CDH18: variants seen among roughly 807,000 people sequenced by gnomAD.
CDH18 encodes cadherin 18, also known as cadherin-18.
CDH18 carries 31 observed loss-of-function variants against 67.9 expected under a neutral mutation model. The ratio of observed to expected loss-of-function variants is 0.46; its 90% CI spans 0.34 to 0.62. The LOEUF is 0.62. CDH18 is among the 20% of genes least tolerant of loss of function. The probability of loss-of-function intolerance (pLI) is 0.01; values close to 1 mark genes in which losing one functional copy is unlikely to be tolerated. For synonymous variants in CDH18, 362 were observed against 347.2 expected (o/e 1.04, Z -0.48); for missense variants, 890 against 975.5 (o/e 0.91, Z 1.17).
intron 2 of CDH18, among the ~76,000 whole-genome samples, chr5:19,998,236 C>T (rs1451106692): frequency 5.3e-5 from 8 of 151,990 alleles, no homozygotes; most frequent in Admixed American, 2.0e-4. Flanking sequence ...AATGTTATTA[C>T]GAGTTTATTG....
intron 3 of CDH18, among the ~76,000 whole-genome samples, chr5:19,777,405 C>A (rs2149767297): frequency 6.6e-6 from 1 of 152,320 alleles, no homozygotes; most frequent in Non-Finnish European, 1.5e-5. Context: ...AGATGGAAGG[C>A]AATCCAGTTT....
At chr5:20,154,331 C>G (rs1002569905) in intron 2 of CDH18, among the ~76,000 whole-genome samples, 7 of 151,420 alleles carry the variant, frequency 4.6e-5, no homozygotes, top group African/African-American at 1.7e-4. Context: ...AATATTCTGC[C>G]AACACTTTAG....
At chr5:20,395,891 A>T (rs994305604) in intron 1 of CDH18, among the ~76,000 whole-genome samples, 2 of 152,090 alleles carry the variant, frequency 1.3e-5, no homozygotes, top group African/African-American at 4.8e-5. Context: ...ATCGCTGAGG[A>T]TGTGGAGGCT....
In CDH18 at chr5:20,337,377, C is replaced by A. The variant is rs188394514; in HGVS notation, c.-579-81872G>T. Among the ~76,000 whole-genome samples, 153 of 152,264 alleles carry A rather than the reference C, an allele frequency of 1.0e-3. 2 individuals are homozygous for A. Among genetic ancestry groups the A allele is most frequent in the Non-Finnish European group, 1.5e-4 (10 of 68,022 alleles). Reference sequence around the variant, plus strand: ...ATAAAACTCAATGCCTTTAGCAGCACCCAAGTCGCCTTTAGCAGCATCCAA... The same window carrying A: ...ATAAAACTCAATGCCTTTAGCAGCAACCAAGTCGCCTTTAGCAGCATCCAA... On this transcript the variant is annotated intron_variant, in intron 1 of 14. Transcript: ENST00000507958.
intron 5 of CDH18, among the ~76,000 whole-genome samples, chr5:19,638,562 T>C (rs1258329188): frequency 6.6e-6 from 1 of 151,980 alleles, no homozygotes; most frequent in Non-Finnish European, 1.5e-5. Context: ...TTTTTCTTTT[T>C]TTTTTAATGA....
intron 2 of CDH18, among the ~76,000 whole-genome samples, chr5:19,968,482 T>C (rs1317835583): frequency 1.3e-5 from 2 of 151,964 alleles, no homozygotes; most frequent in Non-Finnish European, 2.9e-5. Flanking sequence ...ATGGTACTGG[T>C]ACCAAAACAG....
In CDH18 at chr5:20,398,516, C is replaced by A. The variant is rs972394719; in HGVS notation, c.-579-143011G>T. Among the ~76,000 whole-genome samples, 7 of 152,104 alleles carry A rather than the reference C, an allele frequency of 4.6e-5. No individual in the cohort carries two copies. The East Asian group carries it at 1.3e-3, about 29-fold the overall frequency. ...CTTTGTATAAAAAGATGAGTGGATT[C>A]TCGAAGAGAAAAGCATGGAAGCTGG... On this transcript the variant is annotated intron_variant, in intron 1 of 14. Transcript: ENST00000507958.
Position 20,088,474 on chromosome 5 carries a change from A to G in CDH18, c.-517-96460T>C, listed in dbSNP as rs753395234. On this transcript the variant is annotated intron_variant, in intron 2 of 14. Coordinates refer to the CDH18 transcript ENST00000507958. ...TTTTGGAGAAAACTAAAAGGAATAC[A>G]GAATATTTCTTTTCTCCTGGATGAC... Among the ~76,000 whole-genome samples, 7 of 152,324 alleles carry G rather than the reference A, an allele frequency of 4.6e-5. No homozygotes were observed. In the East Asian group the frequency reaches 1.2e-3, roughly 25 times the overall value.
rs116130921 is a variant in CDH18, at chr5:19,624,869, C to T, written c.644-12268G>A. ...GAAAATACTAAGGATAGAGGTTAAG[C>T]AAGTGTGAGATCATGAAGAGTGGCC... On this transcript the variant is annotated intron_variant, in intron 5 of 12. Coordinates refer to ENST00000382275, the MANE Select transcript of CDH18 (RefSeq NM_004934.5). 9.0e-3 allele frequency among the ~76,000 whole-genome samples: 1,371 copies of T among 152,152 alleles called. 8 individuals carry two copies. Among genetic ancestry groups the T allele is most frequent in the South Asian group, 0.017 (83 of 4,812 alleles).
chr5:19,612,868 C>T (rs186402788), intron 5 of CDH18, among the ~76,000 whole-genome samples: 33 of 152,152 alleles, frequency 2.2e-4, no homozygotes, highest in South Asian at 1.2e-3. Flanking sequence ...CGGCCGGATG[C>T]GGTGGCTCAC....
chr5:20,488,762 T>C (rs1186108795), intron 1 of CDH18, among the ~76,000 whole-genome samples: 1 of 150,360 alleles, frequency 6.7e-6, no homozygotes, highest in East Asian at 1.9e-4. Flanking sequence ...AAACTAGCAG[T>C]TCTTAATTTC....
intron 10 of CDH18, among the ~76,000 whole-genome samples, chr5:19,503,682 G>A (rs1038996268): frequency 6.6e-6 from 1 of 152,032 alleles, no homozygotes; most frequent in Non-Finnish European, 1.5e-5. Context: ...GACCTTCCGT[G>A]ATTTATGAAT....
chr5:20,219,355 G>C (rs1051525107), intron 2 of CDH18, among the ~76,000 whole-genome samples: 2 of 151,684 alleles, frequency 1.3e-5, no homozygotes, highest in Non-Finnish European at 2.9e-5. Flanking sequence ...GCAAAAATAA[G>C]CTTGGGACAC....
At chr5:20,354,073 A>T (rs1249588237) in intron 1 of CDH18, among the ~76,000 whole-genome samples, 1 of 152,234 alleles carries the variant, frequency 6.6e-6, no homozygotes, top group African/African-American at 2.4e-5. Context: ...ATTGGAAGCT[A>T]AAGCAGCTTA....
intron 1 of CDH18, among the ~76,000 whole-genome samples, chr5:20,538,608 C>T (rs1269903726): frequency 6.6e-6 from 1 of 152,140 alleles, no homozygotes; most frequent in Non-Finnish European, 1.5e-5. Flanking sequence ...CATGCAACTA[C>T]AACCTGTAGG....
intron 1 of CDH18, among the ~76,000 whole-genome samples, chr5:20,406,200 T>A (rs1562039255): frequency 6.6e-6 from 1 of 152,068 alleles, no homozygotes; most frequent in Non-Finnish European, 1.5e-5. Flanking sequence ...CCAACAATGA[T>A]AGACTGGATT....
intron 1 of CDH18, chr5:20,305,044 T>A: frequency 3.1e-6 from 5 of 1,606,934 alleles, no homozygotes; most frequent in Non-Finnish European, 4.3e-6. Context: ...CTGCTGACTG[T>A]CCCCATTAGT....
intron 1 of CDH18, among the ~76,000 whole-genome samples, chr5:20,398,807 AC>A (rs1745506824): frequency 6.6e-6 from 1 of 151,702 alleles, no homozygotes; most frequent in Non-Finnish European, 1.5e-5. Context: ...GCACACGTAT[AC>A]CTACGTAGAA....
chr5:19,552,300 T>C (rs1040658181), intron 8 of CDH18, among the ~76,000 whole-genome samples: 1 of 152,138 alleles, frequency 6.6e-6, no homozygotes, highest in African/African-American at 2.4e-5. Context: ...AACAAATAAA[T>C]TTGCGCCTCA....
Sources: allele counts gnomAD v4.1 joint callset (sites outside exome capture counted in the v4.1 genomes callset), GRCh38; gene constraint gnomAD v4.1.1; transcripts MANE v1.5; gene names NCBI Gene and HGNC (gene_info 2026-07-23, HGNC 2026-07-21).